JPH3: variants seen among roughly 807,000 people sequenced by gnomAD.
The protein encoded by JPH3 is junctophilin 3.
A neutral mutation model predicts 59.6 loss-of-function variants in JPH3; 11 were observed. That is an observed-to-expected ratio of 0.18 (90% confidence interval 0.12 to 0.31). The LOEUF is 0.31. Ranked by LOEUF, JPH3 falls within the 10% of genes least tolerant of loss-of-function variation. JPH3 has a pLI of 1.00. For missense variants in JPH3, 1,202 were observed against 1,105.7 expected (o/e 1.09, Z -1.24); for synonymous variants, 673 against 483.6 (o/e 1.39, Z -5.14).
At chr16:87,625,027 G>T (rs2031319858) in intron 1 of JPH3, among the ~76,000 whole-genome samples, 1 of 152,186 alleles carries the variant, frequency 6.6e-6, no homozygotes, top group Admixed American at 6.5e-5. Context: ...TCGAACTCCT[G>T]ACCTCAAGTG....
chr16:87,697,655 A>C lies in JPH3; in HGVS notation c.*995A>C, dbSNP rs1006854814. 4 of 152,242 alleles carry C rather than the reference A, an allele frequency of 2.6e-5. No individual in the cohort carries two copies. Among genetic ancestry groups the C allele is most frequent in the Non-Finnish European group, 5.9e-5 (4 of 68,062 alleles). The allele number at this position is 152,242 out of a possible 1,614,324, so 9.4% of individuals were successfully genotyped here. A position where few individuals can be genotyped will look rare whatever the true frequency, so the allele number is the denominator to read the frequency against. On this transcript the variant is annotated 3_prime_UTR_variant, in exon 5 of 5. Coordinates refer to ENST00000284262, the MANE Select transcript of JPH3 (RefSeq NM_020655.4). ...CCTCAACTTCCCCTAACAGATATGCATATTCCTTCCAGATGCCTCAGTGCT... is the reference window on the plus strand; with the variant it reads ...CCTCAACTTCCCCTAACAGATATGCCTATTCCTTCCAGATGCCTCAGTGCT...
In JPH3 at chr16:87,644,265, C is replaced by T. The variant is rs754810065; in HGVS notation, c.390C>T (p.Tyr130=). Residue 130 remains tyrosine, a synonymous_variant, in exon 2 of 5, where the codon TAC becomes TAT. Transcript: ENST00000284262. ...GTETYSDGGT[Y]QGQWVGGMRQ... ...CTCTCATTTTCTCCCCAGGGACCTA[C>T]CAGGGCCAGTGGGTCGGTGGCATGC... The T allele has an allele frequency of 1.2e-6, 2 of 1,606,254 alleles. No homozygotes were observed. The highest frequency in any genetic ancestry group is 3.4e-5 in the Admixed American group (2 of 59,512).
rs755158194 is a variant in JPH3, at chr16:87,690,404, C to T, written c.2044C>T (p.Arg682Trp). ...CGCCGTGCAGAAACTGGCGAGCCTGCGGCTGGGCGGGGCCGAGCCCCGGTT... is the reference window on the plus strand; with the variant it reads ...CGCCGTGCAGAAACTGGCGAGCCTGTGGCTGGGCGGGGCCGAGCCCCGGTT... Reference protein sequence around the residue: ...EPAVQKLASLRLGGAEPRLLR... With the variant: ...EPAVQKLASLWLGGAEPRLLR... Residue 682 changes from arginine (R) to tryptophan (W), a missense_variant, in exon 4 of 5, where the codon CGG becomes TGG. By Grantham distance (101) the Arg-to-Trp change is moderately radical. Coordinates refer to ENST00000284262, the MANE Select transcript of JPH3 (RefSeq NM_020655.4). The T allele has an allele frequency of 2.0e-6, 3 of 1,509,690 alleles. No homozygotes were observed. Among genetic ancestry groups the T allele is most frequent in the Admixed American group, 2.3e-5 (1 of 43,870 alleles). The allele number at this position is 1,509,690 out of a possible 1,614,324, so 93.5% of individuals were successfully genotyped here.
At position 87,674,704 on chromosome 16, in the gene JPH3, A is replaced by T. The variant is rs1175757561; in HGVS notation, c.1161-9438A>T. On this transcript the variant is annotated intron_variant, in intron 2 of 4. Coordinates refer to ENST00000284262, the MANE Select transcript of JPH3 (RefSeq NM_020655.4). Reference sequence around the variant, plus strand: ...GGTTTGAAGGAGGAGTTTTACTTTCATTCTGTACATTGTAAAATTTTTTCT... The same window carrying T: ...GGTTTGAAGGAGGAGTTTTACTTTCTTTCTGTACATTGTAAAATTTTTTCT... Among the ~76,000 whole-genome samples, 4 of 152,208 alleles carry T rather than the reference A, an allele frequency of 2.6e-5. No individual in the cohort carries two copies. The East Asian group carries it at 5.8e-4, about 22-fold the overall frequency.
chr16:87,659,931 T>G (rs1032172646), intron 2 of JPH3, among the ~76,000 whole-genome samples: 4 of 152,112 alleles, frequency 2.6e-5, no homozygotes, highest in African/African-American at 9.7e-5. Flanking sequence ...AGCTGCTGTC[T>G]GGAGAGGGAT....
intron 2 of JPH3, among the ~76,000 whole-genome samples, chr16:87,650,257 G>A (rs2150850081): frequency 6.6e-6 from 1 of 152,240 alleles, no homozygotes. Context: ...TGTGATCAGT[G>A]GTCTTTGAGG....
intron 2 of JPH3, among the ~76,000 whole-genome samples, chr16:87,645,571 G>C (rs2032119600): frequency 6.6e-6 from 1 of 152,206 alleles, no homozygotes; most frequent in Non-Finnish European, 1.5e-5. Context: ...ATGCAGGCCT[G>C]GTGCTTTGGG....
intron 1 of JPH3, among the ~76,000 whole-genome samples, chr16:87,635,462 G>A (rs938795018): frequency 2.0e-5 from 3 of 152,212 alleles, no homozygotes; most frequent in Non-Finnish European, 2.9e-5. Context: ...CCACAAGGCC[G>A]GCTGAGGGGC....
At position 87,695,516 on chromosome 16, in the gene JPH3, G is replaced by A. The variant is rs941293894; in HGVS notation, c.2167-1064G>A. ...TCTACATCTCCTTCCAGGTGGCTGC[G>A]AGATGCAGGGCGTGGTGGGGGTGGG... On this transcript the variant is annotated intron_variant, in intron 4 of 4. Coordinates refer to ENST00000284262, the MANE Select transcript of JPH3 (RefSeq NM_020655.4). The A allele has an allele frequency of 2.9e-5, 13 of 454,580 alleles. No homozygotes were observed. In the East Asian group the frequency reaches 4.2e-4, roughly 15 times the overall value. 28.2% of individuals were successfully genotyped at this position (454,580 alleles called of 1,614,324 possible). A position where few individuals can be genotyped will look rare whatever the true frequency, so the allele number is the denominator to read the frequency against.
At chr16:87,696,384 C>T (rs938972625) in intron 4 of JPH3, 196 bp from the exon 5 acceptor site, 1 of 598,392 alleles carries the variant, frequency 1.7e-6, no homozygotes, top group Non-Finnish European at 3.0e-6. Flanking sequence ...GCAGCTGGGG[C>T]TTCTCTCCCG....
chr16:87,635,403 G>T (rs1401882936), intron 1 of JPH3, among the ~76,000 whole-genome samples: 1 of 152,200 alleles, frequency 6.6e-6, no homozygotes, highest in Non-Finnish European at 1.5e-5. Flanking sequence ...GAGATGTGCA[G>T]GCCCTGGTGA....
At chr16:87,661,452 A>G (rs376380190) in intron 2 of JPH3, among the ~76,000 whole-genome samples, 1 of 152,136 alleles carries the variant, frequency 6.6e-6, no homozygotes, top group African/African-American at 2.4e-5. Context: ...ATAGCAGTGG[A>G]CTCTCTTTAG....
rs1254176426 is a variant in JPH3 at position 87,696,243 on chromosome 16, C to T, written c.2167-337C>T. The T allele has an allele frequency of 1.1e-4, 47 of 442,578 alleles. No homozygotes were observed. In the Admixed American group the frequency reaches 1.5e-3, roughly 14 times the overall value. 27.4% of individuals were successfully genotyped at this position (442,578 alleles called of 1,614,324 possible). A position where few individuals can be genotyped will look rare whatever the true frequency, so the allele number is the denominator to read the frequency against. On this transcript the variant is annotated intron_variant, in intron 4 of 4. Transcript: ENST00000284262. ...CTGACTGGCACAAAGGCCACACGCACCGAGACGTTTGCTTGCAGGGAGGCC... is the reference window on the plus strand; with the variant it reads ...CTGACTGGCACAAAGGCCACACGCATCGAGACGTTTGCTTGCAGGGAGGCC...
chr16:87,670,522 C>T (rs928637358), intron 2 of JPH3, among the ~76,000 whole-genome samples: 4 of 152,244 alleles, frequency 2.6e-5, no homozygotes, highest in African/African-American at 7.2e-5. Flanking sequence ...GTCCCTCTCC[C>T]CAGGCCCAGC....
At chr16:87,649,386 G>A (rs888440708) in intron 2 of JPH3, among the ~76,000 whole-genome samples, 1 of 152,246 alleles carries the variant, frequency 6.6e-6, no homozygotes, top group East Asian at 1.9e-4. Context: ...CCTTTGCACG[G>A]CGCTGCCTGT....
chr16:87,668,904 C>T (rs60116126), intron 2 of JPH3, among the ~76,000 whole-genome samples: 18,446 of 135,388 alleles, frequency 0.14, 3,736 homozygotes, highest in African/African-American at 0.43. Context: ...TCCCGGAGGC[C>T]GTGCTCCGTG....
At chr16:87,630,162 T>C (rs2031518908) in intron 1 of JPH3, among the ~76,000 whole-genome samples, 2 of 152,156 alleles carry the variant, frequency 1.3e-5, no homozygotes, top group Non-Finnish European at 2.9e-5. Context: ...GCCCCCACAC[T>C]GGAGGCACTG....
chr16:87,613,309 C>G (rs929832422), intron 1 of JPH3, among the ~76,000 whole-genome samples: 2 of 151,682 alleles, frequency 1.3e-5, no homozygotes, highest in Non-Finnish European at 2.9e-5. Context: ...CCGTGTTAGC[C>G]AGGATGGTCT....
chr16:87,690,934 T>G (rs985553336), intron 4 of JPH3, among the ~76,000 whole-genome samples: 5 of 152,136 alleles, frequency 3.3e-5, no homozygotes, highest in African/African-American at 1.2e-4. Flanking sequence ...GCGAAACAGC[T>G]GGGGGCAAGG....
Sources: gnomAD v4.1 joint callset for allele counts (sites outside exome capture counted in the v4.1 genomes callset) on GRCh38, gnomAD v4.1.1 for gene constraint, MANE v1.5 for transcripts, NCBI Gene and HGNC (gene_info 2026-07-23, HGNC 2026-07-21) for gene names.